The following NYAP2 variants were observed in gnomAD, a reference collection of about 807,000 sequenced individuals.
NYAP2 encodes the protein neuronal tyrosine-phosphorylated phosphoinositide-3-kinase adaptor 2, also known as neuronal tyrosine-phosphorylated phosphoinositide-3-kinase adapter 2.
Under a neutral mutation model 50.4 loss-of-function variants are expected in NYAP2, and 23 were observed. That is an observed-to-expected ratio of 0.46 (90% CI 0.33 to 0.65). The LOEUF is 0.65. Ranked by LOEUF, NYAP2 falls within the 30% of genes least tolerant of loss-of-function variation. The pLI is 0.02. For missense variants in NYAP2, 885 were observed against 861.0 expected, an observed-to-expected ratio of 1.03 and a Z score of -0.35; for synonymous variants, 394 against 365.2, an observed-to-expected ratio of 1.08 and a Z score of -0.90.
intron 3 of NYAP2, among the ~76,000 whole-genome samples, chr2:225,417,165 CAG>C (rs1020147188): frequency 6.6e-6 from 1 of 152,024 alleles, no homozygotes; most frequent in Non-Finnish European, 1.5e-5. Flanking sequence ...GGCTATGAGT[CAG>C]GGGACTTTTT....
chr2:225,627,961 C>G (rs954869204), intron 6 of NYAP2, among the ~76,000 whole-genome samples: 1 of 152,164 alleles, frequency 6.6e-6, no homozygotes, highest in African/African-American at 2.4e-5. Context: ...AGCTCTGATA[C>G]TCATCTTAGA....
chr2:225,426,143 T>TC (rs1182700893), intron 3 of NYAP2, among the ~76,000 whole-genome samples: 4 of 151,702 alleles, frequency 2.6e-5, no homozygotes, highest in African/African-American at 9.7e-5. Context: ...TCTTTTCTTT[T>TC]TTTTTTTTAA....
intron 5 of NYAP2, among the ~76,000 whole-genome samples, chr2:225,604,248 A>G (rs548559748): frequency 9.2e-5 from 14 of 152,150 alleles, no homozygotes; most frequent in Non-Finnish European, 1.6e-4. Flanking sequence ...AAACAAAATG[A>G]GGTGGAAATG....
At chr2:225,501,878 C>A (rs1208991240) in intron 3 of NYAP2, among the ~76,000 whole-genome samples, 1 of 152,142 alleles carries the variant, frequency 6.6e-6, no homozygotes, top group Non-Finnish European at 1.5e-5. Flanking sequence ...TGGAGGAGAT[C>A]AAATCAGAGA....
chr2:225,449,605 T>TTC (rs1192945976), intron 3 of NYAP2, among the ~76,000 whole-genome samples: 7 of 112,394 alleles, frequency 6.2e-5, no homozygotes, highest in African/African-American at 3.7e-4. Flanking sequence ...CTTTCTCTTT[T>TTC]TTTTTTTTTT....
the NYAP2 span, among the ~76,000 whole-genome samples, chr2:225,675,596 G>A: frequency 1.3e-5 from 2 of 152,080 alleles, no homozygotes; most frequent in Non-Finnish European, 2.9e-5. Context: ...TGTGAACAGT[G>A]CTCCAATGAA....
At chr2:225,646,212 G>A (rs1693632368) in intron 6 of NYAP2, among the ~76,000 whole-genome samples, 1 of 152,122 alleles carries the variant, frequency 6.6e-6, no homozygotes, top group Non-Finnish European at 1.5e-5. Context: ...GAAACTGAAA[G>A]AAGAGCCAAA....
exon 7 of NYAP2, chr2:225,651,609 T>C (rs1477882170): frequency 6.2e-7 from 1 of 1,607,088 alleles, no homozygotes; most frequent in African/African-American, 1.3e-5. Flanking sequence ...CCTCTGTCTG[T>C]CCTGTTGCTG....
At chr2:225,690,178 T>C in the NYAP2 span, among the ~76,000 whole-genome samples, 1 of 152,142 alleles carries the variant, frequency 6.6e-6, no homozygotes, top group Non-Finnish European at 1.5e-5. Context: ...AAACATTTAG[T>C]GTAAAATATT....
intron 5 of NYAP2, among the ~76,000 whole-genome samples, chr2:225,622,525 CT>C (rs1178768155): frequency 2.3e-5 from 1 of 43,112 alleles, no homozygotes; most frequent in South Asian, 1.1e-3. Flanking sequence ...TTTCTTCTTT[CT>C]TTCTTTCTTT....
At chr2:225,554,208 T>TTG (rs902517160) in intron 4 of NYAP2, among the ~76,000 whole-genome samples, 2 of 136,662 alleles carry the variant, frequency 1.5e-5, no homozygotes, top group African/African-American at 5.8e-5. Flanking sequence ...ATTGTTGTTG[T>TTG]TTTTTTTTTT....
chr2:225,579,398 T>C (rs16866653), intron 4 of NYAP2, among the ~76,000 whole-genome samples: 7,039 of 152,298 alleles, frequency 0.046, 522 homozygotes, highest in African/African-American at 0.16. Context: ...TGAAATTGTT[T>C]GTAAATGGAT....
intron 4 of NYAP2, among the ~76,000 whole-genome samples, chr2:225,518,559 TA>T (rs1690981333): frequency 5.0e-5 from 2 of 40,302 alleles, no homozygotes; most frequent in Admixed American, 2.8e-4. Flanking sequence ...TATATATATA[TA>T]TATATATATT....
intron 5 of NYAP2, among the ~76,000 whole-genome samples, chr2:225,601,875 C>T (rs537411325): frequency 1.8e-4 from 28 of 152,212 alleles, no homozygotes; most frequent in East Asian, 1.7e-3. Flanking sequence ...TCCTTTGATG[C>T]GCAAAAATTT....
At chr2:225,505,487 T>C (rs2106180377) in intron 3 of NYAP2, among the ~76,000 whole-genome samples, 1 of 152,332 alleles carries the variant, frequency 6.6e-6, no homozygotes, top group East Asian at 1.9e-4. Flanking sequence ...GTATACTGCC[T>C]GATTTAAAAA....
intron 5 of NYAP2, among the ~76,000 whole-genome samples, chr2:225,601,614 T>A (rs1303752943): frequency 6.6e-6 from 1 of 152,194 alleles, no homozygotes; most frequent in African/African-American, 2.4e-5. Flanking sequence ...TGATATTTCT[T>A]TTGGTTTTGA....
chr2:225,468,718 C>T (rs1193822515), intron 3 of NYAP2, among the ~76,000 whole-genome samples: 1 of 152,102 alleles, frequency 6.6e-6, no homozygotes, highest in Non-Finnish European at 1.5e-5. Flanking sequence ...TCTAGCCATT[C>T]TAATAAACAA....
intron 5 of NYAP2, among the ~76,000 whole-genome samples, chr2:225,618,267 G>A (rs1355138725): frequency 6.6e-6 from 1 of 152,198 alleles, no homozygotes; most frequent in Non-Finnish European, 1.5e-5. Context: ...ATCCAAAGAA[G>A]CTGCAGCCTT....
chr2:225,643,543 A>G (rs1693570381), intron 6 of NYAP2, among the ~76,000 whole-genome samples: 1 of 151,540 alleles, frequency 6.6e-6, no homozygotes, highest in South Asian at 2.1e-4. Context: ...CGCTGCACCC[A>G]CTAACTTGTC....
Sources: allele counts gnomAD v4.1 joint callset (sites outside exome capture counted in the v4.1 genomes callset), GRCh38; gene constraint gnomAD v4.1.1; transcripts MANE v1.5; gene names NCBI Gene and HGNC (gene_info 2026-07-23, HGNC 2026-07-21).